The following KIF6 variants were observed in gnomAD, a reference collection of about 807,000 sequenced individuals.
The protein encoded by KIF6 is kinesin family member 6.
In KIF6, 106 loss-of-function variants were observed where a neutral mutation model predicts 112.7. The ratio of observed to expected loss-of-function variants is 0.94; its 90% CI spans 0.80 to 1.11. The LOEUF is 1.11. Ranked by LOEUF, KIF6 falls within the 50% of genes least tolerant of loss-of-function variation. The pLI, the probability that KIF6 is intolerant of heterozygous loss-of-function variation, is 0.00. For missense variants in KIF6, 929 were observed against 964.0 expected, an observed-to-expected ratio of 0.96 and a Z score of 0.48; for synonymous variants, 339 against 339.9, an observed-to-expected ratio of 1.00 and a Z score of 0.03.
intron 13 of KIF6, among the ~76,000 whole-genome samples, chr6:39,527,213 A>G (rs1387628231): frequency 6.6e-6 from 1 of 152,208 alleles, no homozygotes. Flanking sequence ...TCTTGTGTCT[A>G]TAGCTGCATA....
intron 13 of KIF6, among the ~76,000 whole-genome samples, chr6:39,524,288 A>C (rs1582046188): frequency 6.6e-6 from 1 of 152,160 alleles, no homozygotes; most frequent in African/African-American, 2.4e-5. Flanking sequence ...ACAATGTTAA[A>C]AATAGTGATT....
intron 13 of KIF6, among the ~76,000 whole-genome samples, chr6:39,449,334 C>T (rs1307502458): frequency 6.6e-6 from 1 of 152,246 alleles, no homozygotes; most frequent in Non-Finnish European, 1.5e-5. Flanking sequence ...TCCCTGGCTA[C>T]ATCCCTCCCT....
intron 13 of KIF6, among the ~76,000 whole-genome samples, chr6:39,456,823 A>G (rs1461960581): frequency 6.9e-6 from 1 of 144,336 alleles, no homozygotes; most frequent in African/African-American, 2.6e-5. Context: ...GGAGCTAACT[A>G]TCCTAAATAT....
At chr6:39,470,347 C>A (rs764421775) in intron 13 of KIF6, among the ~76,000 whole-genome samples, 11 of 152,196 alleles carry the variant, frequency 7.2e-5, no homozygotes, top group Non-Finnish European at 1.6e-4. Context: ...TGATTAAGTG[C>A]AACTCAAATG....
At chr6:39,412,522 C>T (rs1769557927) in intron 15 of KIF6, among the ~76,000 whole-genome samples, 1 of 152,170 alleles carries the variant, frequency 6.6e-6, no homozygotes, top group African/African-American at 2.4e-5. Flanking sequence ...TTTTTGGAGT[C>T]TCTTTAAAGC....
At chr6:39,649,243 T>C (rs1248838447) in intron 3 of KIF6, among the ~76,000 whole-genome samples, 1 of 152,220 alleles carries the variant, frequency 6.6e-6, no homozygotes, top group Non-Finnish European at 1.5e-5. Flanking sequence ...TTCAGTTCTA[T>C]GATATATTGA....
chr6:39,523,192 G>C (rs1777496194), intron 13 of KIF6, among the ~76,000 whole-genome samples: 1 of 152,020 alleles, frequency 6.6e-6, no homozygotes, highest in Non-Finnish European at 1.5e-5. Context: ...TCTTTGCTAT[G>C]TATCTCAAAT....
intron 5 of KIF6, among the ~76,000 whole-genome samples, chr6:39,633,250 C>G (rs150977391): frequency 1.5e-3 from 230 of 152,138 alleles, no homozygotes; most frequent in African/African-American, 5.1e-3. Context: ...CTCTTTTCAT[C>G]TGAATCTAAT....
intron 20 of KIF6, 59 bp from the exon 21 acceptor site, chr6:39,345,848 T>C: frequency 7.9e-7 from 1 of 1,257,878 alleles, no homozygotes; most frequent in Non-Finnish European, 1.1e-6. Flanking sequence ...AGAAGGAAAT[T>C]CAGGGTTTAT....
intron 22 of KIF6, among the ~76,000 whole-genome samples, chr6:39,339,902 T>C (rs1268073055): frequency 3.9e-5 from 6 of 152,170 alleles, no homozygotes; most frequent in Non-Finnish European, 5.9e-5. Context: ...GAGCTGACAG[T>C]CACAAATTCC....
chr6:39,559,228 TAAG>T (rs1779887343), intron 10 of KIF6, among the ~76,000 whole-genome samples: 1 of 152,184 alleles, frequency 6.6e-6, no homozygotes, highest in Non-Finnish European at 1.5e-5. Flanking sequence ...TAGAAGCTGG[TAAG>T]AAGGAGCCTA....
intron 13 of KIF6, among the ~76,000 whole-genome samples, chr6:39,505,403 A>C (rs1776369396): frequency 6.6e-6 from 1 of 152,226 alleles, no homozygotes. Context: ...AAACCCTATA[A>C]GAAAACCTAG....
At chr6:39,714,848 T>C in intron 2 of KIF6, 82 bp from the exon 3 acceptor site, 1 of 924,422 alleles carries the variant, frequency 1.1e-6, no homozygotes, top group South Asian at 1.5e-5. Flanking sequence ...TTCTGAAAGC[T>C]CTATTAATTA....
rs1017817955 is a variant in KIF6 at position 39,523,262 on chromosome 6, G to A, written c.1645+16741C>T. Among the ~76,000 whole-genome samples, 16 of 152,058 alleles carry A rather than the reference G, an allele frequency of 1.1e-4. No homozygotes were observed. The East Asian group carries it at 2.5e-3, about 24-fold the overall frequency. On this transcript the variant is annotated intron_variant, in intron 13 of 22. Coordinates refer to ENST00000287152, the MANE Select transcript of KIF6 (RefSeq NM_145027.6). The stretch of plus-strand genomic sequence containing the variant: ...GCTTGGTCGAGGTCCTTATAATTAC[G>A]TAGCTTGACTGCTGTTACAACGTCC...
chr6:39,408,535 T>C (rs889206508), intron 15 of KIF6, among the ~76,000 whole-genome samples: 1 of 152,222 alleles, frequency 6.6e-6, no homozygotes, highest in East Asian at 1.9e-4. Flanking sequence ...TCATTTAACA[T>C]ACTCACTGTT....
intron 3 of KIF6, among the ~76,000 whole-genome samples, chr6:39,662,701 CT>C (rs1241687778): frequency 1.3e-5 from 2 of 151,982 alleles, no homozygotes; most frequent in African/African-American, 4.8e-5. Context: ...TACTGAGCCC[CT>C]ATCTCAAAAA....
At chr6:39,453,339 G>A (rs1409661161) in intron 13 of KIF6, among the ~76,000 whole-genome samples, 1 of 152,212 alleles carries the variant, frequency 6.6e-6, no homozygotes, top group African/African-American at 2.4e-5. Flanking sequence ...TGGACTGAAA[G>A]GCAATGTCGT....
At chr6:39,453,303 C>T (rs905862743) in intron 13 of KIF6, among the ~76,000 whole-genome samples, 8 of 152,144 alleles carry the variant, frequency 5.3e-5, no homozygotes, top group Non-Finnish European at 7.4e-5. Context: ...TGCCCAGGAC[C>T]ACAGTAAAGG....
chr6:39,396,734 C>G (rs1262900793), intron 15 of KIF6, among the ~76,000 whole-genome samples: 1 of 152,106 alleles, frequency 6.6e-6, no homozygotes, highest in Non-Finnish European at 1.5e-5. Flanking sequence ...GTACATAAAG[C>G]CCCCAGCACA....
Sources: allele counts gnomAD v4.1 joint callset (sites outside exome capture counted in the v4.1 genomes callset), GRCh38; gene constraint gnomAD v4.1.1; transcripts MANE v1.5; gene names NCBI Gene and HGNC (gene_info 2026-07-23, HGNC 2026-07-21).